RET: variants seen among roughly 807,000 people sequenced by gnomAD.
RET encodes the protein proto-oncogene tyrosine-protein kinase receptor Ret.
Under a neutral mutation model 118.3 loss-of-function variants are expected in RET, and 19 were observed. The observed-to-expected ratio is 0.16, with a 90% CI of 0.11 to 0.24. The LOEUF is 0.24. Among genes scored for constraint, RET ranks in the 10% least tolerant of loss-of-function variants. The pLI, the probability that RET is intolerant of heterozygous loss-of-function variation, is 1.00. For synonymous variants in RET, 597 were observed against 644.1 expected, an observed-to-expected ratio of 0.93 and a Z score of 1.11; for missense variants, 1,219 against 1,502.1, an observed-to-expected ratio of 0.81 and a Z score of 3.12.
At chr10:43,102,047 CA>C (rs1365356971) in intron 2 of RET, among the ~76,000 whole-genome samples, 7 of 152,222 alleles carry the variant, frequency 4.6e-5, no homozygotes, top group Non-Finnish European at 1.0e-4. Context: ...GAGAAGTTGC[CA>C]CCATCAGAGT....
chr10:43,091,140 C>T (rs973007296), intron 1 of RET, among the ~76,000 whole-genome samples: 3 of 151,836 alleles, frequency 2.0e-5, no homozygotes, highest in African/African-American at 7.3e-5. Flanking sequence ...CACAGGCAGC[C>T]GAAGAAAGAA....
At chr10:43,116,834 C>A in intron 12 of RET, 103 bp downstream of exon 12, 1 of 1,443,796 alleles carries the variant, frequency 6.9e-7, no homozygotes, top group Non-Finnish European at 9.5e-7. Context: ...GCCCCCAATG[C>A]TGTTCTAGAG....
At chr10:43,119,810 C>A in intron 14 of RET, 65 bp downstream of exon 14, 1 of 1,526,398 alleles carries the variant, frequency 6.6e-7, no homozygotes, top group Non-Finnish European at 9.0e-7. Context: ...CACCACGCCC[C>A]TGCCACCCAC....
In RET at chr10:43,112,165, A is replaced by G. The variant is rs777778956; in HGVS notation, c.1589A>G (p.Glu530Gly). 1.3e-6 allele frequency: 2 copies of G among 1,584,136 alleles called. No homozygotes were observed. The highest frequency in any genetic ancestry group is 1.7e-6 in the Non-Finnish European group (2 of 1,164,856). The change falls in exon 8 of 20, where the codon GAG becomes GGG. Residue 530 changes from glutamate to glycine, a missense_variant. By Grantham distance (98) the Glu-to-Gly change is moderately conservative (BLOSUM62 -2). Around this residue, in one of 5 missense-constraint regions of RET, gnomAD observed 850 missense variants for 969.6 expected, o/e 0.88. Transcript: ENST00000355710. The part of the protein sequence containing the change: ...AVSKRRLECE[E>G]CGGLGSPTGR... ...AGCAAGAGACGGCTGGAGTGTGAGG[A>G]GTGTGGCGGCCTGGGCTCCCCAACA...
intron 18 of RET, 24 bp from the exon 19 acceptor site, chr10:43,126,551 T>A (rs1227877868): frequency 1.2e-6 from 2 of 1,604,630 alleles, no homozygotes; most frequent in Non-Finnish European, 1.7e-6. Flanking sequence ...TGGCTTGGAG[T>A]GACCGGCCAT....
At chr10:43,116,817 C>G in intron 12 of RET, 86 bp downstream of exon 12, 1 of 1,516,410 alleles carries the variant, frequency 6.6e-7, no homozygotes, top group Non-Finnish European at 9.0e-7. Context: ...GCATGGGACC[C>G]TGAAGAGCCC....
chr10:43,127,854 A>G (rs950405787), intron 19 of RET, among the ~76,000 whole-genome samples: 1 of 152,236 alleles, frequency 6.6e-6, no homozygotes, highest in African/African-American at 2.4e-5. Context: ...ACAAATATAC[A>G]TCAGATTAGA....
At chr10:43,092,338 T>G (rs1376225756) in intron 1 of RET, among the ~76,000 whole-genome samples, 12 of 152,150 alleles carry the variant, frequency 7.9e-5, no homozygotes, top group South Asian at 2.1e-4. Flanking sequence ...AGTAATTGTC[T>G]CATGGGTACA....
At position 43,102,456 on chromosome 10, in the gene RET, A is replaced by T. The variant is rs150261092; in HGVS notation, c.452A>T (p.Asn151Ile). The T allele has an allele frequency of 6.2e-7, 1 of 1,614,122 alleles. No individual in the cohort carries two copies. Residue 151 changes from asparagine (N) to isoleucine (I), a missense_variant, in exon 3 of 20, where the codon AAC becomes ATC. Physicochemically the swap from Asn to Ile is moderately radical, Grantham distance 149. This residue lies in a region of RET where 850 missense variants were observed against 969.6 expected (regional missense o/e 0.88). Transcript: ENST00000355710. ...GCARVYFSFF[N>I]TSFPACSSLK... ...GCCCGCGTATACTTCTCCTTCTTCA[A>T]CACCTCCTTTCCAGCCTGCAGCTCC...
chr10:43,127,569 C>A, intron 19 of RET: 2 of 828,252 alleles, frequency 2.4e-6, no homozygotes, highest in Non-Finnish European at 3.0e-6. Flanking sequence ...TTTTTTCAAG[C>A]TGAGACGGTT....
intron 1 of RET, among the ~76,000 whole-genome samples, chr10:43,079,133 C>G (rs562792816): frequency 3.9e-5 from 6 of 152,318 alleles, no homozygotes; most frequent in African/African-American, 1.2e-4. Flanking sequence ...GGCCTGATGA[C>G]AGGCACAGAC....
At chr10:43,096,009 C>T (rs1418352395) in intron 1 of RET, among the ~76,000 whole-genome samples, 1 of 152,194 alleles carries the variant, frequency 6.6e-6, no homozygotes, top group Non-Finnish European at 1.5e-5. Flanking sequence ...GTGGTGTGTG[C>T]CAGGCCACCG....
At position 43,128,479 on chromosome 10, in the gene RET, G is replaced by A. The variant is rs772972038; in HGVS notation, c.*210G>A. 3.6e-5 allele frequency: 23 copies of A among 632,306 alleles called. No homozygotes were observed. Among genetic ancestry groups the A allele is most frequent in the Admixed American group, 1.2e-4 (5 of 42,810 alleles). 39.2% of individuals were successfully genotyped at this position (632,306 alleles called of 1,614,324 possible). A position where few individuals can be genotyped will look rare whatever the true frequency, so the allele number is the denominator to read the frequency against. On this transcript the variant is annotated 3_prime_UTR_variant, in exon 20 of 20. Transcript: ENST00000355710. Reference sequence around the variant, plus strand: ...TCCCTCCTAGCAGACATGCCACACCGGGTAAGAGCTCTGAGTCTTAGTGGT... The same window carrying A: ...TCCCTCCTAGCAGACATGCCACACCAGGTAAGAGCTCTGAGTCTTAGTGGT...
intron 15 of RET, among the ~76,000 whole-genome samples, chr10:43,120,759 C>T (rs1212701458): frequency 6.6e-6 from 1 of 152,136 alleles, no homozygotes; most frequent in Non-Finnish European, 1.5e-5. Flanking sequence ...CTTGGGGACA[C>T]CTGGTTCCCT....
At chr10:43,098,419 TC>T (rs1837567248) in intron 1 of RET, among the ~76,000 whole-genome samples, 3 of 133,492 alleles carry the variant, frequency 2.2e-5, no homozygotes, top group African/African-American at 8.3e-5. Flanking sequence ...AGGATTTTCC[TC>T]CTTTTTTTTT....
rs1837859435 is a variant in RET at position 43,109,205 on chromosome 10, G to A, written c.1238G>A (p.Ser413Asn). The A allele has an allele frequency of 6.2e-7, 1 of 1,613,590 alleles. No individual in the cohort carries two copies. Among genetic ancestry groups the A allele is most frequent in the Non-Finnish European group, 8.5e-7 (1 of 1,180,030 alleles). The change falls in exon 6 of 20, where the codon AGC (serine) becomes AAC (asparagine). Residue 413 changes from serine to asparagine, a missense_variant. By Grantham distance (46) the Ser-to-Asn change is conservative. Transcript: ENST00000355710. Reference protein sequence around the residue: ...HLPSTYSLSVSRRARRFAQIG... With the variant: ...HLPSTYSLSVNRRARRFAQIG... ...CCCAGTACCTACTCCCTCTCCGTGA[G>A]CAGGAGGGCTCGCCGATTTGCCCAG...
intron 1 of RET, among the ~76,000 whole-genome samples, chr10:43,083,167 C>CA (rs1837221523): frequency 6.6e-6 from 1 of 152,216 alleles, no homozygotes; most frequent in East Asian, 1.9e-4. Flanking sequence ...CGTAAGGGGC[C>CA]AGCCTGGCTA....
chr10:43,098,243 C>G (rs1208242464), intron 1 of RET, among the ~76,000 whole-genome samples: 1 of 152,182 alleles, frequency 6.6e-6, no homozygotes, highest in African/African-American at 2.4e-5. Flanking sequence ...AACTCCCCAT[C>G]CTGTCTCCCC....
intron 1 of RET, among the ~76,000 whole-genome samples, chr10:43,086,314 C>T (rs146487116): frequency 1.3e-3 from 197 of 152,320 alleles, no homozygotes; most frequent in Middle Eastern, 0.01. Flanking sequence ...ACCGTGGATT[C>T]CTACTGGTTA....
Sources: allele counts gnomAD v4.1 joint callset (sites outside exome capture counted in the v4.1 genomes callset), GRCh38; gene constraint gnomAD v4.1.1; regional missense constraint gnomAD v4.1.1; transcripts MANE v1.5; gene names NCBI Gene and HGNC (gene_info 2026-07-23, HGNC 2026-07-21).